The following DNAH14 variants were observed in gnomAD, a reference collection of about 807,000 sequenced individuals.
DNAH14 encodes dynein axonemal heavy chain 14, also known as axonemal beta dynein heavy chain 14.
Under a neutral mutation model 520.9 loss-of-function variants are expected in DNAH14, and 478 were observed. The ratio of observed to expected loss-of-function variants is 0.92; its 90% CI spans 0.85 to 0.99. DNAH14 has a LOEUF of 0.99. DNAH14 is among the 50% of genes least tolerant of loss of function. DNAH14 has a pLI of 0.00. For synonymous variants in DNAH14, 1,581 were observed against 1,757.2 expected, an observed-to-expected ratio of 0.90 and a Z score of 2.51; for missense variants, 4,831 against 5,234.5, an observed-to-expected ratio of 0.92 and a Z score of 2.38.
chr1:225,253,536 T>C (rs986324485), intron 44 of DNAH14, among the ~76,000 whole-genome samples: 25 of 152,252 alleles, frequency 1.6e-4, no homozygotes, highest in Admixed American at 2.6e-4. Flanking sequence ...TGTTTGGACA[T>C]CCTAGATGTG....
At chr1:225,233,236 T>C (rs927193563) in intron 42 of DNAH14, among the ~76,000 whole-genome samples, 2 of 152,190 alleles carry the variant, frequency 1.3e-5, no homozygotes, top group African/African-American at 4.8e-5. Flanking sequence ...ATTCCATATC[T>C]TTGCTATTGT....
chr1:224,976,923 A>T (rs565224642), intron 8 of DNAH14, among the ~76,000 whole-genome samples: 68 of 151,698 alleles, frequency 4.5e-4, no homozygotes, highest in Admixed American at 1.8e-3. Flanking sequence ...TGTGGAAGTC[A>T]GTGTGGCGAT....
intron 15 of DNAH14, among the ~76,000 whole-genome samples, chr1:225,045,329 C>T (rs192966877): frequency 3.3e-5 from 5 of 151,626 alleles, no homozygotes; most frequent in Admixed American, 6.6e-5. Flanking sequence ...AAGCGTAGTA[C>T]AGAGTTTCTG....
chr1:224,968,650 GCAAGAAGTTA>G, intron 6 of DNAH14, 99 bp from the exon 7 acceptor site: 1 of 688,214 alleles, frequency 1.5e-6, no homozygotes, highest in South Asian at 2.4e-5. Flanking sequence ...AATTATAAAG[GCAAGAAGTTA>G]CAAGAAGTTA....
chr1:225,303,486 C>T, intron 57 of DNAH14, 139 bp downstream of exon 57: 1 of 690,786 alleles, frequency 1.4e-6, no homozygotes, highest in Non-Finnish European at 2.3e-6. Context: ...CAAGTGTTTA[C>T]AATGACTCCC....
chr1:225,331,460 A>G lies in DNAH14; in HGVS notation c.9747A>G (p.Leu3249=). ...LQLVEEHLLF[L]QAAYKDTVAE... Reference sequence around the variant, plus strand: ...AGGTTGAAGAACATTTGCTGTTTTTACAGGCAGCTTACAAAGATACCGTTG... The same window carrying G: ...AGGTTGAAGAACATTTGCTGTTTTTGCAGGCAGCTTACAAAGATACCGTTG... Residue 3249 remains leucine (L), a synonymous_variant, in exon 65 of 86, where the codon TTA becomes TTG. Transcript: ENST00000682510. 6.4e-7 allele frequency: 1 copy of G among 1,550,974 alleles called. No homozygotes were observed. Among genetic ancestry groups the G allele is most frequent in the East Asian group, 2.4e-5 (1 of 40,898 alleles).
intron 11 of DNAH14, among the ~76,000 whole-genome samples, chr1:225,027,636 A>C (rs1232276120): frequency 6.6e-6 from 1 of 151,994 alleles, no homozygotes; most frequent in Admixed American, 6.6e-5. Context: ...ATGTAGGGGG[A>C]GGTGCTATAC....
intron 43 of DNAH14, among the ~76,000 whole-genome samples, chr1:225,244,817 C>A (rs1052943159): frequency 6.6e-6 from 1 of 151,850 alleles, no homozygotes; most frequent in African/African-American, 2.4e-5. Context: ...GATGGTTGAT[C>A]TTATGAAGGG....
rs200064799 is a variant in DNAH14 at position 225,240,648 on chromosome 1, C to G, written c.6574C>G (p.Gln2192Glu). 2.6e-6 allele frequency: 4 copies of G among 1,550,546 alleles called. No individual in the cohort carries two copies. Among genetic ancestry groups the G allele is most frequent in the Middle Eastern group, 1.7e-4 (1 of 5,954 alleles). The change falls in exon 43 of 86, where the codon CAA becomes GAA. Residue 2192 changes from glutamine to glutamate, a missense_variant. By Grantham distance (29) the Gln-to-Glu change is conservative. Coordinates refer to ENST00000682510, the MANE Select transcript of DNAH14 (RefSeq NM_001367479.1). ...KNPDKLTKII[Q>E]KLFVFAFTWA... The stretch of plus-strand genomic sequence containing the variant: ...TCCTGATAAATTAACAAAAATTATT[C>G]AAAAGCTTTTTGTGTTTGCCTTTAC...
intron 49 of DNAH14, 75 bp downstream of exon 49, chr1:225,266,844 G>A: frequency 7.4e-7 from 1 of 1,350,884 alleles, no homozygotes; most frequent in East Asian, 3.0e-5. Context: ...TAACAATGTT[G>A]AGTGAATTGC....
intron 66 of DNAH14, among the ~76,000 whole-genome samples, chr1:225,335,603 A>G (rs1484898618): frequency 1.4e-5 from 2 of 144,722 alleles, no homozygotes; most frequent in African/African-American, 2.5e-5. Flanking sequence ...ATATACGCAT[A>G]CGTATATGTG....
In DNAH14 at chr1:224,952,651, A is replaced by G. The variant is rs2060252654; in HGVS notation, c.-33-19A>G. The G allele has an allele frequency of 6.2e-6, 8 of 1,300,326 alleles. No individual in the cohort carries two copies. In the East Asian group the frequency reaches 2.0e-4, roughly 33 times the overall value. 80.5% of individuals were successfully genotyped at this position (1,300,326 alleles called of 1,614,324 possible). A position where few individuals can be genotyped will look rare whatever the true frequency, so the allele number is the denominator to read the frequency against. On this transcript the variant is annotated intron_variant, in intron 1 of 85. Coordinates refer to ENST00000682510, the MANE Select transcript of DNAH14 (RefSeq NM_001367479.1). ...GATTGTATTGTATATTAAATATAAT[A>G]ATGTGAATTTTGTTACAGCCAGTTC...
intron 1 of DNAH14, among the ~76,000 whole-genome samples, chr1:224,939,852 G>C (rs2125388414): frequency 6.6e-6 from 1 of 152,272 alleles, no homozygotes; most frequent in Admixed American, 6.5e-5. Context: ...GTAATTCCTA[G>C]TGTTGGAGGA....
chr1:225,073,259 C>A (rs1357874302), intron 17 of DNAH14, among the ~76,000 whole-genome samples: 1 of 151,946 alleles, frequency 6.6e-6, no homozygotes, highest in Non-Finnish European at 1.5e-5. Flanking sequence ...CTTTTACCCC[C>A]AGTCAGCTGG....
Position 225,303,176 on chromosome 1 carries a change from T to C in DNAH14, c.8652T>C (p.His2884=). 6.7e-7 allele frequency: 1 copy of C among 1,496,006 alleles called. No individual in the cohort carries two copies. Among genetic ancestry groups the C allele is most frequent in the South Asian group, 1.3e-5 (1 of 74,176 alleles). 92.7% of individuals were successfully genotyped at this position (1,496,006 alleles called of 1,614,324 possible). A position where few individuals can be genotyped will look rare whatever the true frequency, so the allele number is the denominator to read the frequency against. The change falls in exon 57 of 86, where the codon CAT becomes CAC. Residue 2884 remains histidine, a synonymous_variant. Transcript: ENST00000682510. ...TTCAGAGAATATATAAAAATCTTCA[T>C]ATTTTTGTGATCATGAGTCCTGAAG... ...FFQKRIYKNL[H]IFVIMSPEGP...
At chr1:225,022,091 A>G (rs1265801649) in intron 10 of DNAH14, among the ~76,000 whole-genome samples, 1 of 152,194 alleles carries the variant, frequency 6.6e-6, no homozygotes, top group Non-Finnish European at 1.5e-5. Context: ...CACTATATAC[A>G]AAAATTAACT....
At chr1:225,172,156 A>G (rs1407878962) in intron 36 of DNAH14, among the ~76,000 whole-genome samples, 2 of 152,220 alleles carry the variant, frequency 1.3e-5, no homozygotes, top group African/African-American at 2.4e-5. Flanking sequence ...AGCCAATATC[A>G]TACTGAATGG....
At chr1:225,111,972 T>C (rs2076516764) in intron 23 of DNAH14, among the ~76,000 whole-genome samples, 1 of 152,156 alleles carries the variant, frequency 6.6e-6, no homozygotes, top group Non-Finnish European at 1.5e-5. Context: ...TTTTGGTTTT[T>C]TCTATTTATA....
intron 17 of DNAH14, among the ~76,000 whole-genome samples, chr1:225,059,064 C>T (rs2069593773): frequency 6.6e-6 from 1 of 152,300 alleles, no homozygotes; most frequent in East Asian, 1.9e-4. Context: ...GAGCTGAGTT[C>T]AATTGCTGGA....
Sources: gnomAD v4.1 joint callset for allele counts (sites outside exome capture counted in the v4.1 genomes callset) on GRCh38, gnomAD v4.1.1 for gene constraint, MANE v1.5 for transcripts, NCBI Gene and HGNC (gene_info 2026-07-23, HGNC 2026-07-21) for gene names.